Variants in ADK observed in about 807,000 individuals in gnomAD.
ADK encodes adenosine kinase.
A neutral mutation model predicts 44.7 loss-of-function variants in ADK; 24 were observed. That is an observed-to-expected ratio of 0.54 (90% CI 0.39 to 0.76). The LOEUF (loss-of-function observed/expected upper bound fraction) is 0.76, where lower values mean the gene tolerates loss of function less well. Ranked by LOEUF, ADK falls within the 30% of genes least tolerant of loss-of-function variation. ADK has a pLI of 0.00. For synonymous variants in ADK, 128 were observed against 142.6 expected (o/e 0.90, Z 0.73); for missense variants, 321 against 425.1 (o/e 0.76, Z 2.15).
intron 4 of ADK, among the ~76,000 whole-genome samples, chr10:74,331,446 T>A (rs569160527): frequency 6.6e-6 from 1 of 152,302 alleles, no homozygotes; most frequent in Non-Finnish European, 1.5e-5. Flanking sequence ...TAAAATAGAA[T>A]CAGTGGCAAT....
chr10:74,188,474 G>C (rs1424974903), intron 1 of ADK, among the ~76,000 whole-genome samples: 1 of 146,208 alleles, frequency 6.8e-6, no homozygotes, highest in Admixed American at 7.1e-5. Context: ...TCAGCCTCCC[G>C]AGTAGCAGGG....
At chr10:74,636,017 G>A (rs1453018103) in intron 9 of ADK, among the ~76,000 whole-genome samples, 1 of 151,776 alleles carries the variant, frequency 6.6e-6, no homozygotes, top group African/African-American at 2.4e-5. Flanking sequence ...GAGCCCAGGA[G>A]TTCAAGGCAG....
chr10:74,312,316 A>G (rs1305883192), intron 3 of ADK, among the ~76,000 whole-genome samples: 1 of 151,866 alleles, frequency 6.6e-6, no homozygotes, highest in East Asian at 1.9e-4. Flanking sequence ...GTATGTATAT[A>G]TATGTGTGTA....
chr10:74,206,428 A>T (rs776730803), intron 2 of ADK, among the ~76,000 whole-genome samples: 10 of 152,242 alleles, frequency 6.6e-5, no homozygotes, highest in Non-Finnish European at 1.3e-4. Flanking sequence ...CTAGTCTTTT[A>T]GAGTCACAGC....
chr10:74,389,049 G>C (rs761876324), intron 4 of ADK, among the ~76,000 whole-genome samples: 2 of 152,110 alleles, frequency 1.3e-5, no homozygotes, highest in Admixed American at 1.3e-4. Flanking sequence ...GTCCTACCAT[G>C]CCTGTTATTC....
At chr10:74,194,831 T>C (rs1843065174) in intron 1 of ADK, among the ~76,000 whole-genome samples, 1 of 152,164 alleles carries the variant, frequency 6.6e-6, no homozygotes, top group Admixed American at 6.5e-5. Context: ...ATGACTGGTG[T>C]AACAGTTAAA....
chr10:74,189,066 A>G (rs989478400), intron 1 of ADK, among the ~76,000 whole-genome samples: 1 of 118,206 alleles, frequency 8.5e-6, no homozygotes, highest in African/African-American at 3.0e-5. Flanking sequence ...TTCTTTCATT[A>G]TTATTATTTT....
intron 10 of ADK, among the ~76,000 whole-genome samples, chr10:74,694,159 T>TTTTTC (rs1487595787): frequency 6.9e-6 from 1 of 145,392 alleles, no homozygotes; most frequent in Non-Finnish European, 1.5e-5. Context: ...TTTTTTTTTT[T>TTTTTC]TTTTTTTTTT....
chr10:74,573,771 G>A (rs1300049269), intron 7 of ADK, among the ~76,000 whole-genome samples: 1 of 152,202 alleles, frequency 6.6e-6, no homozygotes, highest in African/African-American at 2.4e-5. Context: ...TGCTGTGCTA[G>A]CAATCAGCGA....
At chr10:74,211,054 T>G (rs1187975584) in intron 2 of ADK, among the ~76,000 whole-genome samples, 1 of 152,136 alleles carries the variant, frequency 6.6e-6, no homozygotes, top group African/African-American at 2.4e-5. Flanking sequence ...CTGGCTAATT[T>G]TTGTATTTTT....
intron 7 of ADK, among the ~76,000 whole-genome samples, chr10:74,525,759 G>C (rs571457574): frequency 2.0e-5 from 3 of 151,942 alleles, no homozygotes; most frequent in Admixed American, 6.6e-5. Context: ...GGTTCAAGCA[G>C]TTCTCCTGCC....
intron 4 of ADK, among the ~76,000 whole-genome samples, chr10:74,364,010 A>C (rs1842422971): frequency 6.6e-6 from 1 of 152,228 alleles, no homozygotes; most frequent in Non-Finnish European, 1.5e-5. Context: ...TCATTGACTC[A>C]GAGACACACC....
intron 4 of ADK, among the ~76,000 whole-genome samples, chr10:74,323,955 C>G (rs1012274267): frequency 6.6e-6 from 1 of 152,122 alleles, no homozygotes; most frequent in African/African-American, 2.4e-5. Context: ...CATCTTCTGT[C>G]CATTCAACCC....
chr10:74,595,672 ATC>A (rs775750739), intron 8 of ADK, among the ~76,000 whole-genome samples: 140,344 of 140,474 alleles, frequency 1, 70,168 homozygotes, highest in Middle Eastern at 1. Context: ...TACCGCGCCC[ATC>A]GCCATATCAG....
intron 6 of ADK, among the ~76,000 whole-genome samples, chr10:74,410,430 T>C (rs1022021954): frequency 6.6e-6 from 1 of 152,148 alleles, no homozygotes; most frequent in Admixed American, 6.6e-5. Context: ...TTCCAGCCCT[T>C]CGGGAGGCTG....
At chr10:74,516,560 G>T (rs1201896020) in intron 6 of ADK, among the ~76,000 whole-genome samples, 1 of 146,388 alleles carries the variant, frequency 6.8e-6, no homozygotes, top group African/African-American at 2.5e-5. Context: ...GTCGCGCCCT[G>T]TTGCCCAGGC....
At chr10:74,313,493 A>G (rs1840516788) in intron 3 of ADK, among the ~76,000 whole-genome samples, 1 of 152,056 alleles carries the variant, frequency 6.6e-6, no homozygotes, top group African/African-American at 2.4e-5. Flanking sequence ...TTACTCCATT[A>G]TATTTTTAGC....
intron 9 of ADK, among the ~76,000 whole-genome samples, chr10:74,668,408 T>C (rs1855050303): frequency 6.6e-6 from 1 of 152,198 alleles, no homozygotes; most frequent in African/African-American, 2.4e-5. Flanking sequence ...AACTGCCATA[T>C]AGGCCCTCAT....
chr10:74,161,455 T>C (rs1266787575), intron 1 of ADK, among the ~76,000 whole-genome samples: 1 of 152,192 alleles, frequency 6.6e-6, no homozygotes, highest in Non-Finnish European at 1.5e-5. Flanking sequence ...GTGATCTACC[T>C]GCCTCAACCT....
Sources: gnomAD v4.1 joint callset for allele counts (sites outside exome capture counted in the v4.1 genomes callset) on GRCh38, gnomAD v4.1.1 for gene constraint, MANE v1.5 for transcripts, NCBI Gene and HGNC (gene_info 2026-07-23, HGNC 2026-07-21) for gene names.